Variants in NTN1 observed in about 807,000 individuals in gnomAD.
NTN1 encodes netrin 1.
NTN1 carries 11 observed loss-of-function variants against 54.2 expected under a neutral mutation model. The ratio of observed to expected loss-of-function variants is 0.20; its 90% CI spans 0.13 to 0.34. The LOEUF (loss-of-function observed/expected upper bound fraction) is 0.34. Ranked by LOEUF, NTN1 falls within the 10% of genes least tolerant of loss-of-function variation. NTN1 has a pLI of 1.00. For synonymous variants in NTN1, 371 were observed against 382.0 expected, an observed-to-expected ratio of 0.97 and a Z score of 0.33; for missense variants, 740 against 893.1, an observed-to-expected ratio of 0.83 and a Z score of 2.18.
intron 2 of NTN1, among the ~76,000 whole-genome samples, chr17:9,117,781 A>AC (rs1236430067): frequency 1.3e-5 from 2 of 150,898 alleles, no homozygotes; most frequent in Admixed American, 1.3e-4. Context: ...CAAAAAAAAA[A>AC]AAAAAACAAG....
At chr17:9,071,826 C>T (rs762628459) in intron 2 of NTN1, among the ~76,000 whole-genome samples, 1 of 152,216 alleles carries the variant, frequency 6.6e-6, no homozygotes, top group African/African-American at 2.4e-5. Context: ...GGTTTCTTTC[C>T]CTCCAGAATT....
chr17:9,147,915 A>G (rs78204225), intron 2 of NTN1, among the ~76,000 whole-genome samples: 5,421 of 152,330 alleles, frequency 0.036, 165 homozygotes, highest in African/African-American at 0.086. Context: ...TTTTCACCAC[A>G]AAGCATATCA....
intron 5 of NTN1, among the ~76,000 whole-genome samples, chr17:9,187,666 A>AC (rs1351517532): frequency 2.0e-5 from 3 of 150,518 alleles, no homozygotes; most frequent in African/African-American, 4.9e-5. Context: ...AAAAAAAAAA[A>AC]AAAAAAAAAA....
At chr17:9,026,704 ATAAATTATCG>A (rs1366511321) in intron 2 of NTN1, among the ~76,000 whole-genome samples, 1 of 149,040 alleles carries the variant, frequency 6.7e-6, no homozygotes, top group East Asian at 1.9e-4. Context: ...ATTGTGTTTC[ATAAATTATCG>A]ACATCAGTTT....
intron 5 of NTN1, among the ~76,000 whole-genome samples, chr17:9,191,797 G>T (rs901637929): frequency 6.6e-6 from 1 of 150,588 alleles, no homozygotes; most frequent in Non-Finnish European, 1.5e-5. Context: ...GGAGGCCAAC[G>T]GGGGAGGATC....
At chr17:9,207,712 G>A (rs550550365) in intron 5 of NTN1, among the ~76,000 whole-genome samples, 4 of 152,308 alleles carry the variant, frequency 2.6e-5, no homozygotes, top group African/African-American at 9.6e-5. Flanking sequence ...ATTGTATCCT[G>A]GGGTCCAGGA....
intron 2 of NTN1, among the ~76,000 whole-genome samples, chr17:9,091,440 G>A (rs1052618896): frequency 7.2e-6 from 1 of 138,842 alleles, no homozygotes; most frequent in African/African-American, 2.6e-5. Flanking sequence ...TGGATCCTAC[G>A]TTTAACCCCC....
Position 9,023,234 on chromosome 17 carries a change from C to A in NTN1, c.861C>A (p.Cys287Ter). 1 of 1,568,486 alleles carries A rather than the reference C, an allele frequency of 6.4e-7. No individual in the cohort carries two copies. The highest frequency in any genetic ancestry group is 8.6e-7 in the Non-Finnish European group (1 of 1,156,900). The change falls in exon 2 of 7, where the codon TGC becomes TGA. Residue 287 changes from cysteine to a stop codon, truncating the protein, a stop_gained. Coordinates refer to ENST00000173229, the MANE Select transcript of NTN1 (RefSeq NM_004822.3). LOFTEE classifies it high-confidence loss of function. ...TGCAGGTGGGCGGCCGGTGCAAGTGCAACGGCCACGCGGCCCGCTGCGTGC... is the reference window on the plus strand; with the variant it reads ...TGCAGGTGGGCGGCCGGTGCAAGTGAAACGGCCACGCGGCCCGCTGCGTGC... ...SDLQVGGRCK[C>*]NGHAARCVRD...
chr17:9,189,103 C>T (rs1163759797), intron 5 of NTN1, among the ~76,000 whole-genome samples: 1 of 152,194 alleles, frequency 6.6e-6, no homozygotes, highest in Non-Finnish European at 1.5e-5. Flanking sequence ...CATTTATATA[C>T]ATAAGATGCT....
chr17:9,094,315 A>G (rs1409330554), intron 2 of NTN1, among the ~76,000 whole-genome samples: 10 of 152,116 alleles, frequency 6.6e-5, no homozygotes, highest in South Asian at 2.1e-4. Flanking sequence ...CTCATAGCAC[A>G]GTGAGGTACA....
At position 9,239,929 on chromosome 17, in the gene NTN1, C is replaced by T. The variant is rs756998768; in HGVS notation, c.1776C>T (p.Phe592=). 1 of 1,592,850 alleles carries T rather than the reference C, an allele frequency of 6.3e-7. No individual in the cohort carries two copies. Among genetic ancestry groups the T allele is most frequent in the Admixed American group, 1.8e-5 (1 of 57,090 alleles). Residue 592 remains phenylalanine, a synonymous_variant, in exon 7 of 7, where the codon TTC becomes TTT. Coordinates refer to ENST00000173229, the MANE Select transcript of NTN1 (RefSeq NM_004822.3). This position sits in a 1 kb window ranked among gnomAD's most constrained non-coding sequence, Gnocchi z 5.2. ...CGTGGGCGCGGCGGCTGCGCAAGTT[C>T]CAGCAGCGTGAGAAGAAGGGCAAGT... ...RDTWARRLRK[F]QQREKKGKCK...
At chr17:9,222,126 T>C (rs749656788) in intron 6 of NTN1, among the ~76,000 whole-genome samples, 3 of 152,202 alleles carry the variant, frequency 2.0e-5, no homozygotes, top group Non-Finnish European at 4.4e-5. Flanking sequence ...CCAGGCCTGG[T>C]TCTTTCTAGC....
At chr17:9,084,645 G>GT (rs35003160) in intron 2 of NTN1, among the ~76,000 whole-genome samples, 6,975 of 82,986 alleles carry the variant, frequency 0.084, 470 homozygotes, top group Non-Finnish European at 0.12. Flanking sequence ...GTTCTTTGCA[G>GT]TTTTTTTTTT....
At chr17:9,178,786 C>T (rs1204793808) in intron 3 of NTN1, 3 of 152,472 alleles carry the variant, frequency 2.0e-5, no homozygotes, top group Non-Finnish European at 4.4e-5. Flanking sequence ...TTCCCCACCA[C>T]ACTCTGAGGC....
chr17:9,143,898 C>CTTT (rs34801624), intron 2 of NTN1, among the ~76,000 whole-genome samples: 2 of 140,702 alleles, frequency 1.4e-5, no homozygotes, highest in African/African-American at 5.2e-5. Context: ...CCTTTACCTG[C>CTTT]TTTTTTTTTT....
chr17:9,232,698 T>G (rs1204235434), intron 6 of NTN1, among the ~76,000 whole-genome samples: 2 of 152,156 alleles, frequency 1.3e-5, no homozygotes, highest in Non-Finnish European at 2.9e-5. Context: ...CCTCCAGCCC[T>G]CTGCCTTGTT....
At chr17:9,098,738 G>C (rs761669082) in intron 2 of NTN1, among the ~76,000 whole-genome samples, 5 of 152,172 alleles carry the variant, frequency 3.3e-5, no homozygotes, top group African/African-American at 9.7e-5. Context: ...AATGTAAATC[G>C]TAGGGGAGAT....
intron 5 of NTN1, among the ~76,000 whole-genome samples, chr17:9,216,396 T>C (rs1403394390): frequency 6.6e-6 from 1 of 152,280 alleles, no homozygotes; most frequent in African/African-American, 2.4e-5. Flanking sequence ...TTTGTCATTT[T>C]AGTCTTTTTA....
intron 2 of NTN1, among the ~76,000 whole-genome samples, chr17:9,123,904 C>T (rs2092238268): frequency 6.6e-6 from 1 of 152,122 alleles, no homozygotes; most frequent in Non-Finnish European, 1.5e-5. Context: ...TGTTGTTGTA[C>T]CAGATCTTTG....
Sources: gnomAD v4.1 joint callset for allele counts (sites outside exome capture counted in the v4.1 genomes callset) on GRCh38, gnomAD v4.1.1 for gene constraint, Gnocchi (gnomAD v3.1) non-coding constraint, MANE v1.5 for transcripts, NCBI Gene and HGNC (gene_info 2026-07-23, HGNC 2026-07-21) for gene names.